CCSER1: variants seen among roughly 807,000 people sequenced by gnomAD.
The protein encoded by CCSER1 is serine-rich coiled-coil domain-containing protein 1.
Under a neutral mutation model 82.0 loss-of-function variants are expected in CCSER1, and 41 were observed. That is an observed-to-expected ratio of 0.50 (90% CI 0.39 to 0.65). CCSER1 has a LOEUF of 0.65. CCSER1 is among the 30% of genes least tolerant of loss of function. The pLI is 0.00. For missense variants in CCSER1, 1,119 were observed against 1,064.2 expected (o/e 1.05, Z -0.72); for synonymous variants, 414 against 383.9 (o/e 1.08, Z -0.92).
intron 8 of CCSER1, among the ~76,000 whole-genome samples, chr4:90,872,991 T>G (rs1426368261): frequency 6.6e-6 from 1 of 152,004 alleles, no homozygotes; most frequent in African/African-American, 2.4e-5. Context: ...TTGCTGCTTT[T>G]AGGACCTCTT....
chr4:91,428,554 T>A (rs190231644), intron 10 of CCSER1, among the ~76,000 whole-genome samples: 20 of 152,182 alleles, frequency 1.3e-4, no homozygotes, highest in African/African-American at 4.6e-4. Flanking sequence ...ACATCATCAC[T>A]GGATGGTCTA....
intron 10 of CCSER1, among the ~76,000 whole-genome samples, chr4:91,401,051 A>C (rs980379976): frequency 7.6e-4 from 115 of 152,024 alleles, no homozygotes; most frequent in African/African-American, 2.7e-3. Context: ...CGAGATAAAG[A>C]AAATGTGAAG....
chr4:91,045,392 T>C lies in CCSER1; in HGVS notation c.2173-40558T>C, dbSNP rs144587657. Among the ~76,000 whole-genome samples, 616 of 152,310 alleles carry C rather than the reference T, an allele frequency of 4.0e-3. 5 individuals carry two copies. Among genetic ancestry groups the C allele is most frequent in the African/African-American group, 0.014 (589 of 41,570 alleles). ...TGTCTTAGAAAAGATTTGGCATATT[T>C]TTGTAGATTTTATGCATTTTCACAA... On this transcript the variant is annotated intron_variant, in intron 9 of 10. Transcript: ENST00000509176.
chr4:91,530,333 A>G (rs1199008904), intron 10 of CCSER1, among the ~76,000 whole-genome samples: 1 of 151,540 alleles, frequency 6.6e-6, no homozygotes, highest in East Asian at 1.9e-4. Context: ...CAATTTATGA[A>G]TATTATTGGA....
At chr4:90,396,260 C>G (rs778988801) in intron 3 of CCSER1, among the ~76,000 whole-genome samples, 1 of 152,148 alleles carries the variant, frequency 6.6e-6, no homozygotes, top group African/African-American at 2.4e-5. Context: ...ATTGCACCCT[C>G]TTATATTTGA....
chr4:90,824,321 A>G (rs1452726090), intron 8 of CCSER1, among the ~76,000 whole-genome samples: 2 of 152,090 alleles, frequency 1.3e-5, no homozygotes, highest in Admixed American at 1.3e-4. Context: ...TCATTTGTTA[A>G]CAATTGAATA....
chr4:91,006,112 C>T (rs190833579), intron 9 of CCSER1, among the ~76,000 whole-genome samples: 12 of 152,150 alleles, frequency 7.9e-5, no homozygotes, highest in Admixed American at 3.9e-4. Flanking sequence ...CTGTGAAGAA[C>T]GTCATTAGTA....
At chr4:90,383,719 T>G (rs1380177824) in intron 3 of CCSER1, among the ~76,000 whole-genome samples, 2 of 140,008 alleles carry the variant, frequency 1.4e-5, no homozygotes, top group African/African-American at 2.7e-5. Flanking sequence ...ACTATATAAT[T>G]TTTCTTCCTT....
chr4:90,205,658 CT>C (rs1159058308), intron 1 of CCSER1, among the ~76,000 whole-genome samples: 1 of 152,052 alleles, frequency 6.6e-6, no homozygotes, highest in Non-Finnish European at 1.5e-5. Flanking sequence ...CTGAAATTTT[CT>C]TTTTTTGTTG....
rs758228552 is a variant in CCSER1, at chr4:90,780,397, T to C, written c.2011-35365T>C. 3.8e-6 allele frequency: 6 copies of C among 1,583,810 alleles called. No individual in the cohort carries two copies. The Admixed American group carries it at 8.7e-5, about 23-fold the overall frequency. Reference sequence around the variant, plus strand: ...AAAATAATTCAAGCAAAATGCTGAGTTGGTAGAATATAAGGACTGTTATTT... The same window carrying C: ...AAAATAATTCAAGCAAAATGCTGAGCTGGTAGAATATAAGGACTGTTATTT... On this transcript the variant is annotated intron_variant, in intron 7 of 10. Coordinates refer to ENST00000509176, the MANE Select transcript of CCSER1 (RefSeq NM_001145065.2).
At chr4:91,105,819 G>A (rs1053842263) in intron 10 of CCSER1, among the ~76,000 whole-genome samples, 1 of 152,096 alleles carries the variant, frequency 6.6e-6, no homozygotes, top group African/African-American at 2.4e-5. Context: ...TCCTCAAAGG[G>A]AGGCTCAAGC....
intron 10 of CCSER1, among the ~76,000 whole-genome samples, chr4:91,230,125 A>G (rs1008166449): frequency 1.3e-5 from 2 of 152,180 alleles, no homozygotes; most frequent in Admixed American, 6.6e-5. Flanking sequence ...GTCCTCCAAA[A>G]TAAACTTTAG....
chr4:90,354,797 G>A (rs1744123998), intron 3 of CCSER1, among the ~76,000 whole-genome samples: 1 of 133,912 alleles, frequency 7.5e-6, no homozygotes, highest in African/African-American at 2.7e-5. Flanking sequence ...GATAACTTCT[G>A]ATTTTTTTTT....
At chr4:90,255,294 A>T (rs1187497631) in intron 1 of CCSER1, among the ~76,000 whole-genome samples, 1 of 152,068 alleles carries the variant, frequency 6.6e-6, no homozygotes, top group East Asian at 1.9e-4. Flanking sequence ...AGTGATCTAC[A>T]TGGGAACCAC....
intron 7 of CCSER1, among the ~76,000 whole-genome samples, chr4:90,763,670 G>A (rs970489368): frequency 7.2e-5 from 11 of 152,072 alleles, no homozygotes; most frequent in South Asian, 6.2e-4. Flanking sequence ...ATTTCATGCC[G>A]TGCTAGAGAT....
chr4:90,493,129 G>C (rs1376546974), intron 5 of CCSER1, among the ~76,000 whole-genome samples: 1 of 152,176 alleles, frequency 6.6e-6, no homozygotes, highest in Non-Finnish European at 1.5e-5. Context: ...ACAAGCTTCA[G>C]TAGCCGATTC....
intron 6 of CCSER1, among the ~76,000 whole-genome samples, chr4:90,656,131 A>G (rs1729658666): frequency 6.6e-6 from 1 of 151,912 alleles, no homozygotes; most frequent in Admixed American, 6.6e-5. Context: ...ATCTCTTTTT[A>G]AAAGTTTTTA....
At chr4:90,593,461 G>T (rs79396793) in intron 5 of CCSER1, among the ~76,000 whole-genome samples, 1 of 152,134 alleles carries the variant, frequency 6.6e-6, no homozygotes, top group Non-Finnish European at 1.5e-5. Flanking sequence ...CCCTGTTACA[G>T]AATTTTTGGG....
chr4:90,203,730 T>C (rs1022513835), intron 1 of CCSER1, among the ~76,000 whole-genome samples: 1 of 152,180 alleles, frequency 6.6e-6, no homozygotes, highest in Admixed American at 6.5e-5. Context: ...CTGGGTCAAA[T>C]GGTATTTCTG....
Sources: allele counts gnomAD v4.1 joint callset (sites outside exome capture counted in the v4.1 genomes callset), GRCh38; gene constraint gnomAD v4.1.1; transcripts MANE v1.5; gene names NCBI Gene and HGNC (gene_info 2026-07-23, HGNC 2026-07-21).